MRTFA: variants seen among roughly 807,000 people sequenced by gnomAD.
MRTFA encodes the protein myocardin-related transcription factor A.
MRTFA carries 20 observed loss-of-function variants against 83.5 expected under a neutral mutation model. The observed-to-expected ratio is 0.24, with a 90% CI of 0.17 to 0.35. The LOEUF (loss-of-function observed/expected upper bound fraction) is 0.35. MRTFA is among the 10% of genes least tolerant of loss of function. MRTFA has a pLI of 1.00. For missense variants in MRTFA, 1,200 were observed against 1,224.7 expected (o/e 0.98, Z 0.30); for synonymous variants, 659 against 541.2 (o/e 1.22, Z -3.02).
intron 6 of MRTFA, among the ~76,000 whole-genome samples, chr22:40,431,032 G>T (rs553302340): frequency 1.3e-5 from 2 of 152,234 alleles, no homozygotes; most frequent in East Asian, 3.9e-4. Context: ...AAAAAACTAA[G>T]TAAGTGTATT....
At chr22:40,614,589 G>A (rs1237739910) in intron 1 of MRTFA, among the ~76,000 whole-genome samples, 1 of 152,160 alleles carries the variant, frequency 6.6e-6, no homozygotes, top group East Asian at 1.9e-4. Flanking sequence ...CTGGGTTCAA[G>A]GGATTCTCCT....
chr22:40,520,080 T>C (rs1043471747), intron 3 of MRTFA, among the ~76,000 whole-genome samples: 1 of 152,228 alleles, frequency 6.6e-6, no homozygotes, highest in Non-Finnish European at 1.5e-5. Flanking sequence ...GGTTTTCTTG[T>C]GTCCCTTTGT....
At chr22:40,470,275 A>ATATATATG (rs1569283500) in intron 3 of MRTFA, among the ~76,000 whole-genome samples, 4 of 120,396 alleles carry the variant, frequency 3.3e-5, no homozygotes, top group African/African-American at 1.3e-4. Context: ...ATATATATAT[A>ATATATATG]TATATAAAGA....
At chr22:40,545,380 G>A (rs975853874) in intron 3 of MRTFA, among the ~76,000 whole-genome samples, 1 of 152,014 alleles carries the variant, frequency 6.6e-6, no homozygotes, top group East Asian at 1.9e-4. Context: ...TGAAGGTGTC[G>A]GGACCTTGAC....
In MRTFA at chr22:40,429,771, C is replaced by A. The variant is rs1397683420; in HGVS notation, c.440-4G>T. ...AGGGATGGCTCAGCCGAGGTCTCTG[C>A]CCATGGGAGAGAAAGGGGTGCAGGA... On this transcript the variant is annotated splice_polypyrimidine_tract_variant and splice_region_variant and intron_variant, in intron 6 of 14. Transcript: ENST00000355630. The A allele has an allele frequency of 6.2e-7, 1 of 1,606,142 alleles. No individual in the cohort carries two copies. Among genetic ancestry groups the A allele is most frequent in the South Asian group, 1.1e-5 (1 of 90,456 alleles).
At chr22:40,531,027 A>C (rs758027135) in intron 3 of MRTFA, among the ~76,000 whole-genome samples, 1 of 152,158 alleles carries the variant, frequency 6.6e-6, no homozygotes, top group Non-Finnish European at 1.5e-5. Flanking sequence ...AGAAGCTAAT[A>C]ATCTAATTAG....
At chr22:40,555,645 T>TC (rs567200346) in intron 2 of MRTFA, among the ~76,000 whole-genome samples, 1 of 151,766 alleles carries the variant, frequency 6.6e-6, no homozygotes, top group Admixed American at 6.6e-5. Context: ...GAATAATTTT[T>TC]TTTTTTTTTG....
chr22:40,540,795 A>C (rs1253428229), intron 3 of MRTFA, among the ~76,000 whole-genome samples: 4 of 150,392 alleles, frequency 2.7e-5, no homozygotes, highest in Admixed American at 2.7e-4. Context: ...AAAAAAAAAA[A>C]ACCAAAAACA....
intron 2 of MRTFA, among the ~76,000 whole-genome samples, chr22:40,580,553 GAT>G (rs1417518705): frequency 1.3e-5 from 2 of 152,100 alleles, no homozygotes; most frequent in Non-Finnish European, 2.9e-5. Context: ...AAAATGAAAT[GAT>G]AAACCCAAAT....
At chr22:40,551,328 T>C (rs990492345) in intron 3 of MRTFA, among the ~76,000 whole-genome samples, 3 of 152,164 alleles carry the variant, frequency 2.0e-5, no homozygotes, top group Non-Finnish European at 2.9e-5. Flanking sequence ...CAAAGCCTTA[T>C]AAAACATGCC....
chr22:40,542,371 G>C (rs1569320377), intron 3 of MRTFA, among the ~76,000 whole-genome samples: 1 of 151,970 alleles, frequency 6.6e-6, no homozygotes, highest in Non-Finnish European at 1.5e-5. Flanking sequence ...TTGTGTTTTT[G>C]TTTTTTTAAA....
intron 14 of MRTFA, among the ~76,000 whole-genome samples, chr22:40,413,711 G>A (rs930353659): frequency 1.3e-5 from 2 of 152,148 alleles, no homozygotes; most frequent in African/African-American, 4.8e-5. Context: ...CCAAAGTGCT[G>A]GGATTACAGG....
intron 3 of MRTFA, among the ~76,000 whole-genome samples, chr22:40,513,625 G>GAA (rs2054705528): frequency 1.5e-5 from 2 of 137,824 alleles, no homozygotes; most frequent in East Asian, 4.3e-4. Flanking sequence ...AAAAGAAAAA[G>GAA]AAAAGGAAAA....
chr22:40,512,007 G>A (rs764505445), intron 3 of MRTFA, among the ~76,000 whole-genome samples: 2 of 152,188 alleles, frequency 1.3e-5, no homozygotes, highest in Non-Finnish European at 1.5e-5. Flanking sequence ...AGTACAGAAC[G>A]AGGAGGGAAC....
chr22:40,483,137 T>A (rs546034763), intron 3 of MRTFA, among the ~76,000 whole-genome samples: 1 of 152,208 alleles, frequency 6.6e-6, no homozygotes, highest in South Asian at 2.1e-4. Flanking sequence ...CACAGCTCAC[T>A]GTAATCTCAA....
intron 3 of MRTFA, among the ~76,000 whole-genome samples, chr22:40,542,853 A>T (rs1040752977): frequency 6.6e-6 from 1 of 152,238 alleles, no homozygotes; most frequent in Non-Finnish European, 1.5e-5. Context: ...TTAAAAACAC[A>T]CATTTGCAAG....
Position 40,420,840 on chromosome 22 carries a change from T to A in MRTFA, c.1181+7A>T, listed in dbSNP as rs1602212994. ...GCAGGGGCAGGCAGTGAGGAGCGGG[T>A]GCCTACTTTGGCGGGGCAGGCAGGA... On this transcript the variant is annotated splice_region_variant and intron_variant, in intron 10 of 14. Transcript: ENST00000355630. 1 of 1,613,054 alleles carries A rather than the reference T, an allele frequency of 6.2e-7. No individual in the cohort carries two copies. The highest frequency in any genetic ancestry group is 1.1e-5 in the South Asian group (1 of 91,066).
chr22:40,634,932 T>A (rs1460167415), intron 1 of MRTFA, among the ~76,000 whole-genome samples: 1 of 152,236 alleles, frequency 6.6e-6, no homozygotes. Context: ...AAATAACTTA[T>A]TCAAGTGGAT....
chr22:40,616,435 G>T (rs968663056), intron 1 of MRTFA, among the ~76,000 whole-genome samples: 3 of 152,144 alleles, frequency 2.0e-5, no homozygotes, highest in Non-Finnish European at 4.4e-5. Context: ...AGAGAATGAC[G>T]GACGGAAGAA....
Sources: gnomAD v4.1 joint callset for allele counts (sites outside exome capture counted in the v4.1 genomes callset) on GRCh38, gnomAD v4.1.1 for gene constraint, MANE v1.5 for transcripts, NCBI Gene and HGNC (gene_info 2026-07-23, HGNC 2026-07-21) for gene names.